SNX27: variants seen among roughly 807,000 people sequenced by gnomAD.
SNX27 encodes the protein sorting nexin-27.
In SNX27, 22 loss-of-function variants were observed where a neutral mutation model predicts 71.6. That is an observed-to-expected ratio of 0.31 (90% CI 0.22 to 0.44). The LOEUF (loss-of-function observed/expected upper bound fraction) is 0.44. Ranked by LOEUF, SNX27 falls within the 20% of genes least tolerant of loss-of-function variation. The pLI is 1.00. For missense variants in SNX27, 531 were observed against 698.6 expected (o/e 0.76, Z 2.70); for synonymous variants, 269 against 277.2 (o/e 0.97, Z 0.29).
chr1:151,651,794 C>T (rs1335139428), intron 2 of SNX27, among the ~76,000 whole-genome samples: 13 of 151,630 alleles, frequency 8.6e-5, no homozygotes, highest in South Asian at 2.1e-4. Context: ...ACTTCCCAGA[C>T]GGGGTGGCGG....
chr1:151,622,828 G>T (rs970112753), intron 1 of SNX27, among the ~76,000 whole-genome samples: 4 of 151,852 alleles, frequency 2.6e-5, no homozygotes, highest in African/African-American at 9.7e-5. Flanking sequence ...TATTTTTCTT[G>T]CCCAGCCTGG....
chr1:151,666,976 T>A (rs144863824), intron 6 of SNX27: 1 of 152,198 alleles, frequency 6.6e-6, no homozygotes, highest in East Asian at 1.9e-4. Context: ...TAAAGCCAAG[T>A]AAACATTGAG....
rs1365658915 is a variant in SNX27 at position 151,651,318 on chromosome 1, G to C, written c.544-6917G>C. 2.0e-5 allele frequency among the ~76,000 whole-genome samples: 3 copies of C among 148,094 alleles called. No homozygotes were observed. The East Asian group carries it at 6.2e-4, about 30-fold the overall frequency. ...CTCCCTCCCAGATGGGGCGGCTGGC[G>C]GGGCGGGGGGCTGACCCCCCCCACC... is the stretch of plus-strand genomic sequence containing the variant. On this transcript the variant is annotated intron_variant, in intron 2 of 11. Coordinates refer to ENST00000458013, the MANE Select transcript of SNX27 (RefSeq NM_001330723.2).
In SNX27 at chr1:151,693,033, G is replaced by T. The variant is rs373188561; in HGVS notation, c.1512G>T (p.Thr504=). 1.2e-6 allele frequency: 2 copies of T among 1,610,714 alleles called. No individual in the cohort carries two copies. Among genetic ancestry groups the T allele is most frequent in the East Asian group, 2.2e-5 (1 of 44,872 alleles). Residue 504 remains threonine, a synonymous_variant, in exon 10 of 12, where the codon ACG becomes ACT. Coordinates refer to ENST00000458013, the MANE Select transcript of SNX27 (RefSeq NM_001330723.2). ...EKKPRWVKIF[T]PYFNYMHECF... ...AGCCCCGATGGGTTAAAATCTTCACGCCATATGTGAGTGCAATTTGGGGAA... is the reference window on the plus strand; with the variant it reads ...AGCCCCGATGGGTTAAAATCTTCACTCCATATGTGAGTGCAATTTGGGGAA...
chr1:151,616,303 G>A (rs753863492), intron 1 of SNX27, among the ~76,000 whole-genome samples: 48 of 152,150 alleles, frequency 3.2e-4, no homozygotes, highest in Non-Finnish European at 6.2e-4. Flanking sequence ...CTCGAGAGAC[G>A]CTGCTGGAAG....
chr1:151,665,895 T>G (rs1467766668), intron 5 of SNX27, 38 bp from the exon 6 acceptor site: 7 of 1,545,504 alleles, frequency 4.5e-6, no homozygotes, highest in Non-Finnish European at 6.2e-6. Context: ...TTGTCTGACT[T>G]AATTTTCTTG....
intron 1 of SNX27, chr1:151,629,472 TATATAC>T (rs556370365): frequency 4.9e-3 from 103 of 20,972 alleles, no homozygotes; most frequent in African/African-American, 7.9e-3. Context: ...TATATATACA[TATATAC>T]GTATATATAC....
intron 1 of SNX27, among the ~76,000 whole-genome samples, chr1:151,626,586 C>T (rs1407847830): frequency 6.6e-6 from 1 of 152,118 alleles, no homozygotes; most frequent in African/African-American, 2.4e-5. Flanking sequence ...CCTGTAGTCC[C>T]AGCTACTTGG....
At chr1:151,621,600 T>G (rs1667679516) in intron 1 of SNX27, among the ~76,000 whole-genome samples, 1 of 152,216 alleles carries the variant, frequency 6.6e-6, no homozygotes, top group Non-Finnish European at 1.5e-5. Context: ...GCTGCTCTGG[T>G]GCATGCTCTC....
At chr1:151,615,183 A>T (rs572684737) in intron 1 of SNX27, among the ~76,000 whole-genome samples, 1 of 152,334 alleles carries the variant, frequency 6.6e-6, no homozygotes, top group Admixed American at 6.5e-5. Flanking sequence ...GAAGGTTGTG[A>T]TAATCAGAAA....
chr1:151,695,546 A>C lies in SNX27; in HGVS notation c.*1129A>C, dbSNP rs1217557711. ...GTGATCCTTCCGCCTCACCCTCCTG[A>C]GTAGCTGGGACTACAGGTGTGCACC... On this transcript the variant is annotated 3_prime_UTR_variant, in exon 12 of 12. Coordinates refer to ENST00000458013, the MANE Select transcript of SNX27 (RefSeq NM_001330723.2). 6.7e-6 allele frequency: 1 copy of C among 149,650 alleles called. No homozygotes were observed. Among genetic ancestry groups the C allele is most frequent in the African/African-American group, 2.5e-5 (1 of 40,474 alleles). The allele number at this position is 149,650 out of a possible 1,614,324, so 9.3% of individuals were successfully genotyped here.
At chr1:151,687,125 TCCTC>T (rs1208268435) in intron 8 of SNX27, among the ~76,000 whole-genome samples, 5 of 152,226 alleles carry the variant, frequency 3.3e-5, no homozygotes, top group Admixed American at 2.6e-4. Context: ...TTCTCTTCCT[TCCTC>T]CCTCCCTCCC....
At chr1:151,646,260 G>C (rs1208958913) in intron 2 of SNX27, among the ~76,000 whole-genome samples, 1 of 151,946 alleles carries the variant, frequency 6.6e-6, no homozygotes, top group Admixed American at 6.6e-5. Context: ...ATTAAACTGG[G>C]TTTCTCATAG....
chr1:151,693,510 C>T (rs376159605), intron 11 of SNX27, 27 bp downstream of exon 11: 2 of 1,613,610 alleles, frequency 1.2e-6, no homozygotes, highest in African/African-American at 1.3e-5. Context: ...CTTGAATTGA[C>T]CTTTTCATCT....
At chr1:151,663,927 C>T (rs111487370) in intron 5 of SNX27, among the ~76,000 whole-genome samples, 1 of 151,982 alleles carries the variant, frequency 6.6e-6, no homozygotes, top group Non-Finnish European at 1.5e-5. Context: ...CTAATACTCT[C>T]ATTTCTTCCA....
Position 151,639,133 on chromosome 1 carries a change from C to G in SNX27, c.543+14C>G. On this transcript the variant is annotated intron_variant, in intron 2 of 11. Transcript: ENST00000458013. ...GAGAAGTTTGTGGTGAGTGTCAGCC[C>G]AACTCGATCCTCGAACATCTAGCTT... 1 of 1,597,420 alleles carries G rather than the reference C, an allele frequency of 6.3e-7. No individual in the cohort carries two copies. The highest frequency in any genetic ancestry group is 8.6e-7 in the Non-Finnish European group (1 of 1,166,492).
intron 2 of SNX27, among the ~76,000 whole-genome samples, chr1:151,648,845 A>G (rs1571812054): frequency 6.6e-6 from 1 of 152,294 alleles, no homozygotes; most frequent in African/African-American, 2.4e-5. Flanking sequence ...TCTGTTGGCA[A>G]TGAATTCTCT....
At chr1:151,680,522 TG>T (rs1670893296) in intron 7 of SNX27, 1 of 152,148 alleles carries the variant, frequency 6.6e-6, no homozygotes, top group African/African-American at 2.4e-5. Flanking sequence ...AGAGCTCACT[TG>T]GAATTGCTGG....
In SNX27 at chr1:151,658,226, C is replaced by T; in HGVS notation, c.544-9C>T. On this transcript the variant is annotated splice_polypyrimidine_tract_variant and intron_variant, in intron 2 of 11. Coordinates refer to ENST00000458013, the MANE Select transcript of SNX27 (RefSeq NM_001330723.2). ...AGTATGCTTTTCTTTTGTTCTTCTC[C>T]TTCACCAGGTATATAATGTTTACAT... 1.3e-6 allele frequency: 2 copies of T among 1,585,532 alleles called. No homozygotes were observed. The highest frequency in any genetic ancestry group is 1.7e-4 in the Middle Eastern group (1 of 5,926).
Sources: gnomAD v4.1 joint callset for allele counts (sites outside exome capture counted in the v4.1 genomes callset) on GRCh38, gnomAD v4.1.1 for gene constraint, MANE v1.5 for transcripts, NCBI Gene and HGNC (gene_info 2026-07-23, HGNC 2026-07-21) for gene names.